Variants in NALF1 observed in about 807,000 individuals in gnomAD.
The protein encoded by NALF1 is NALCN channel auxiliary factor 1.
In NALF1, 3 loss-of-function variants were observed where a neutral mutation model predicts 48.4. That is an observed-to-expected ratio of 0.06 (90% confidence interval 0.03 to 0.16). NALF1 has a LOEUF of 0.16. Among genes scored for constraint, NALF1 ranks in the 10% least tolerant of loss-of-function variants. NALF1 has a pLI of 1.00. For missense variants in NALF1, 526 were observed against 571.5 expected (o/e 0.92, Z 0.81); for synonymous variants, 262 against 245.7 (o/e 1.07, Z -0.62).
chr13:107,369,812 T>C (rs1476040842), intron 1 of NALF1, among the ~76,000 whole-genome samples: 1 of 152,194 alleles, frequency 6.6e-6, no homozygotes, highest in African/African-American at 2.4e-5. Flanking sequence ...AGTTGGTAAG[T>C]TTTCTTCACA....
chr13:107,279,048 T>C (rs1475547976), intron 1 of NALF1, among the ~76,000 whole-genome samples: 2 of 148,930 alleles, frequency 1.3e-5, no homozygotes, highest in East Asian at 3.9e-4. Context: ...TTCTTCTTTT[T>C]TTTTTTTTTT....
chr13:107,698,934 G>C (rs1242646881), intron 1 of NALF1, among the ~76,000 whole-genome samples: 1 of 152,054 alleles, frequency 6.6e-6, no homozygotes, highest in Non-Finnish European at 1.5e-5. Context: ...TAAGATTCAA[G>C]AAGTCTGGGA....
chr13:107,682,990 T>C (rs1186073831), intron 1 of NALF1, among the ~76,000 whole-genome samples: 2 of 152,196 alleles, frequency 1.3e-5, no homozygotes, highest in African/African-American at 4.8e-5. Context: ...GAAGTGGGCA[T>C]GGTAGTTCAC....
chr13:107,482,668 G>A (rs1041940361), intron 1 of NALF1, among the ~76,000 whole-genome samples: 19 of 152,250 alleles, frequency 1.2e-4, no homozygotes, highest in African/African-American at 4.6e-4. Flanking sequence ...ATGGGAAATG[G>A]TCTTGAATAG....
chr13:107,630,485 T>C (rs1879807843), intron 1 of NALF1, among the ~76,000 whole-genome samples: 1 of 152,122 alleles, frequency 6.6e-6, no homozygotes, highest in Non-Finnish European at 1.5e-5. Flanking sequence ...TCAAAAGTCA[T>C]CTTTGTACAA....
intron 1 of NALF1, among the ~76,000 whole-genome samples, chr13:107,649,300 T>C (rs1276355491): frequency 6.6e-6 from 1 of 152,208 alleles, no homozygotes; most frequent in Non-Finnish European, 1.5e-5. Context: ...TTTTTACATC[T>C]TGAGTCATAC....
intron 1 of NALF1, among the ~76,000 whole-genome samples, chr13:107,600,542 G>A (rs1394073250): frequency 6.6e-6 from 1 of 151,826 alleles, no homozygotes; most frequent in Non-Finnish European, 1.5e-5. Context: ...ATGTTTTTTT[G>A]AATAGCTAAC....
At chr13:107,213,230 C>CAAAAAAAAAAAAAAAAAAAAAAAAA (rs386380636) in intron 1 of NALF1, among the ~76,000 whole-genome samples, 3 of 103,368 alleles carry the variant, frequency 2.9e-5, no homozygotes, top group Non-Finnish European at 3.6e-5. Flanking sequence ...TTTTTTAACT[C>CAAAAAAAAAAAAAAAAAAAAAAAAA]AAAAAAAAAA....
At chr13:107,418,785 T>C (rs560474428) in intron 1 of NALF1, among the ~76,000 whole-genome samples, 1 of 152,334 alleles carries the variant, frequency 6.6e-6, no homozygotes, top group South Asian at 2.1e-4. Context: ...TTCCCATTTA[T>C]CATTACAATT....
intron 1 of NALF1, among the ~76,000 whole-genome samples, chr13:107,388,468 C>G (rs929102912): frequency 6.6e-6 from 1 of 152,124 alleles, no homozygotes; most frequent in Non-Finnish European, 1.5e-5. Context: ...CCAACACTGC[C>G]TCTTTTTGAA....
At chr13:107,315,855 A>C (rs540082875) in intron 1 of NALF1, among the ~76,000 whole-genome samples, 37 of 149,678 alleles carry the variant, frequency 2.5e-4, no homozygotes, top group Non-Finnish European at 4.7e-4. Flanking sequence ...ATGATAAATG[A>C]ATTGAAGCCC....
intron 1 of NALF1, among the ~76,000 whole-genome samples, chr13:107,711,668 T>A (rs933789483): frequency 1.3e-5 from 2 of 152,206 alleles, no homozygotes; most frequent in Admixed American, 6.5e-5. Flanking sequence ...ATTGGGAATA[T>A]CCGTGTTCCA....
At chr13:107,569,868 C>T (rs1305106757) in intron 1 of NALF1, among the ~76,000 whole-genome samples, 1 of 152,152 alleles carries the variant, frequency 6.6e-6, no homozygotes, top group African/African-American at 2.4e-5. Context: ...TCTTCCAATA[C>T]ATGAACATGA....
intron 1 of NALF1, among the ~76,000 whole-genome samples, chr13:107,710,550 G>A (rs1478258848): frequency 6.7e-6 from 1 of 149,448 alleles, no homozygotes; most frequent in Admixed American, 6.6e-5. Context: ...AGAAGGCAAA[G>A]GGGATGCAAG....
intron 1 of NALF1, among the ~76,000 whole-genome samples, chr13:107,284,907 AT>A (rs35904964): frequency 0.38 from 57,980 of 150,774 alleles, 11,239 homozygotes; most frequent in East Asian, 0.56. Context: ...CACCCATCCT[AT>A]TTTTTTTTTA....
intron 1 of NALF1, among the ~76,000 whole-genome samples, chr13:107,669,993 A>T: frequency 6.6e-6 from 1 of 152,142 alleles, no homozygotes; most frequent in East Asian, 1.9e-4. Context: ...ATTTTTAATG[A>T]TTCACAGAAA....
intron 1 of NALF1, among the ~76,000 whole-genome samples, chr13:107,701,086 T>C (rs1171974202): frequency 6.6e-6 from 1 of 151,994 alleles, no homozygotes; most frequent in Non-Finnish European, 1.5e-5. Flanking sequence ...GCTTCCTAAA[T>C]AAAAGAAAAA....
At chr13:107,582,973 T>C (rs1878356410) in intron 1 of NALF1, among the ~76,000 whole-genome samples, 1 of 152,102 alleles carries the variant, frequency 6.6e-6, no homozygotes, top group Non-Finnish European at 1.5e-5. Context: ...TATCACCTTT[T>C]CCCCCCTCTC....
intron 1 of NALF1, among the ~76,000 whole-genome samples, chr13:107,486,463 T>C (rs1011090532): frequency 6.6e-6 from 1 of 152,098 alleles, no homozygotes; most frequent in Non-Finnish European, 1.5e-5. Context: ...TATTAAACCA[T>C]GGCCCAAATC....
Sources: allele counts gnomAD v4.1 joint callset (sites outside exome capture counted in the v4.1 genomes callset), GRCh38; gene constraint gnomAD v4.1.1; transcripts MANE v1.5; gene names NCBI Gene and HGNC (gene_info 2026-07-23, HGNC 2026-07-21).